SPOCK3: variants seen among roughly 807,000 people sequenced by gnomAD.
The protein encoded by SPOCK3 is SPARC (osteonectin), cwcv and kazal like domains proteoglycan 3, also known as testican-3.
Under a neutral mutation model 56.6 loss-of-function variants are expected in SPOCK3, and 30 were observed. That is an observed-to-expected ratio of 0.53 (90% CI 0.40 to 0.72). The LOEUF is 0.72. Among genes scored for constraint, SPOCK3 ranks in the 30% least tolerant of loss-of-function variants. SPOCK3 has a pLI of 0.00. For missense variants in SPOCK3, 527 were observed against 530.0 expected (o/e 0.99, Z 0.06); for synonymous variants, 196 against 183.3 (o/e 1.07, Z -0.56).
chr4:166,907,052 C>T (rs1736703329), intron 5 of SPOCK3, among the ~76,000 whole-genome samples: 1 of 152,018 alleles, frequency 6.6e-6, no homozygotes, highest in South Asian at 2.1e-4. Context: ...TATATATATA[C>T]ACACACATTA....
chr4:167,110,615 T>C (rs917326873), intron 2 of SPOCK3, among the ~76,000 whole-genome samples: 2 of 152,080 alleles, frequency 1.3e-5, no homozygotes, highest in Admixed American at 1.3e-4. Context: ...CACCTTCATT[T>C]GCGTTCTATT....
intron 9 of SPOCK3, 36 bp downstream of exon 9, chr4:166,741,961 G>A (rs1228403474): frequency 7.0e-7 from 1 of 1,432,610 alleles, no homozygotes; most frequent in Non-Finnish European, 9.8e-7. Flanking sequence ...ATTTATGTAA[G>A]CAATAAAGCC....
At chr4:167,194,461 G>A (rs762937854) in intron 2 of SPOCK3, among the ~76,000 whole-genome samples, 2 of 152,144 alleles carry the variant, frequency 1.3e-5, no homozygotes, top group African/African-American at 4.8e-5. Context: ...TAGTTTACTT[G>A]TGTGGTGTCA....
chr4:167,199,694 A>AAATAATAAT (rs200479070), intron 2 of SPOCK3, among the ~76,000 whole-genome samples: 29 of 141,632 alleles, frequency 2.0e-4, no homozygotes, highest in Admixed American at 3.6e-4. Flanking sequence ...TGTGTGAAAT[A>AAATAATAAT]AATAATAATA....
chr4:167,176,075 G>T (rs144608463), intron 2 of SPOCK3, among the ~76,000 whole-genome samples: 1 of 152,010 alleles, frequency 6.6e-6, no homozygotes, highest in East Asian at 1.9e-4. Context: ...TCTAGAGGTT[G>T]TCTGCATTCC....
At position 166,737,449 on chromosome 4, in the gene SPOCK3, A is replaced by C; in HGVS notation, c.1132+18T>G. 6.2e-7 allele frequency: 1 copy of C among 1,603,570 alleles called. No homozygotes were observed. Among genetic ancestry groups the C allele is most frequent in the Non-Finnish European group, 8.5e-7 (1 of 1,175,772 alleles). ...TCTGTGCTTAGAAAATTATGAAATA[A>C]GTAACCCTTCTCCTTACCACAATCT... On this transcript the variant is annotated intron_variant, in intron 10 of 10. Coordinates refer to ENST00000357545, the MANE Select transcript of SPOCK3 (RefSeq NM_001040159.2).
intron 4 of SPOCK3, among the ~76,000 whole-genome samples, chr4:166,918,015 C>T (rs17520763): frequency 0.58 from 88,091 of 151,910 alleles, 26,194 homozygotes; most frequent in East Asian, 0.73. Context: ...TACTATTTCA[C>T]GTCCCAAATC....
rs1001760111 is a variant in SPOCK3 at position 167,146,780 on chromosome 4, G to A, written c.190-84243C>T. On this transcript the variant is annotated intron_variant, in intron 2 of 10. Transcript: ENST00000357545. ...AAACCAATGAGAACAAAGACACAAC[G>A]TACCAGAATTTCTGGGACACATTTA... 4.6e-5 allele frequency among the ~76,000 whole-genome samples: 7 copies of A among 152,134 alleles called. 1 individual carries two copies. The highest frequency in any genetic ancestry group is 1.9e-4 in the East Asian group (1 of 5,166).
intron 4 of SPOCK3, among the ~76,000 whole-genome samples, chr4:166,983,737 T>C (rs1352506061): frequency 6.6e-6 from 1 of 152,076 alleles, no homozygotes; most frequent in East Asian, 1.9e-4. Context: ...ATTCAAATCA[T>C]AGAGCCCCTG....
chr4:166,866,250 C>T (rs554744924), intron 6 of SPOCK3, among the ~76,000 whole-genome samples: 1 of 152,250 alleles, frequency 6.6e-6, no homozygotes, highest in African/African-American at 2.4e-5. Flanking sequence ...GAAACTGGAC[C>T]TCTTCCTCAC....
chr4:167,195,300 A>G (rs1732835389), intron 2 of SPOCK3, among the ~76,000 whole-genome samples: 2 of 152,198 alleles, frequency 1.3e-5, no homozygotes, highest in African/African-American at 4.8e-5. Context: ...TTTTCAGACC[A>G]TGACTAAGAG....
chr4:166,926,774 CAA>C (rs1305892356), intron 4 of SPOCK3, among the ~76,000 whole-genome samples: 2 of 152,024 alleles, frequency 1.3e-5, no homozygotes, highest in African/African-American at 2.4e-5. Context: ...TCTATTTTAG[CAA>C]GTTAGTAACT....
At chr4:166,776,824 T>G (rs548997618) in intron 7 of SPOCK3, among the ~76,000 whole-genome samples, 27 of 152,176 alleles carry the variant, frequency 1.8e-4, no homozygotes, top group Non-Finnish European at 3.5e-4. Context: ...ATGCCATGAC[T>G]TATGGAATAC....
rs1734336329 is a variant in SPOCK3, at chr4:166,737,529, C to T, written c.1070G>A (p.Trp357Ter). Reference sequence around the variant, plus strand: ...TTCATTTCCATATCTGTCAACACACCAGCACTGTCCAACACTGCCATGACA... The same window carrying T: ...TTCATTTCCATATCTGTCAACACACTAGCACTGTCCAACACTGCCATGACA... ...TQCHGSVGQCWCVDRYGNEVM... is the reference protein window; with the variant it reads ...TQCHGSVGQC Residue 357 changes from tryptophan to a stop codon, truncating the protein, a stop_gained, in exon 10 of 11, where the codon TGG becomes TAG. Transcript: ENST00000357545. LOFTEE classifies it high-confidence loss of function. 1 of 1,613,074 alleles carries T rather than the reference C, an allele frequency of 6.2e-7. No homozygotes were observed. Among genetic ancestry groups the T allele is most frequent in the Admixed American group, 1.7e-5 (1 of 59,878 alleles).
chr4:167,188,177 A>G (rs1450093416), intron 2 of SPOCK3, among the ~76,000 whole-genome samples: 1 of 146,360 alleles, frequency 6.8e-6, no homozygotes, highest in Non-Finnish European at 1.5e-5. Context: ...GGCAGCAATC[A>G]AACCCGAACT....
chr4:166,951,453 A>C lies in SPOCK3; in HGVS notation c.351-38710T>G, dbSNP rs1213306868. ...AGGCAAGAATCAATAGCTTACCAACAAAAAAGAGTCCAGGATCAGATGGAT... is the reference window on the plus strand; with the variant it reads ...AGGCAAGAATCAATAGCTTACCAACCAAAAAGAGTCCAGGATCAGATGGAT... On this transcript the variant is annotated intron_variant, in intron 4 of 10. Coordinates refer to ENST00000357545, the MANE Select transcript of SPOCK3 (RefSeq NM_001040159.2). Among the ~76,000 whole-genome samples the C allele has an allele frequency of 4.9e-5, 7 of 142,392 alleles. No individual in the cohort carries two copies. The South Asian group carries it at 6.6e-4, about 13-fold the overall frequency. 93.4% of individuals were successfully genotyped at this position (142,392 alleles called of 152,430 possible). A position where few individuals can be genotyped will look rare whatever the true frequency, so the allele number is the denominator to read the frequency against.
intron 2 of SPOCK3, among the ~76,000 whole-genome samples, chr4:167,102,163 A>C (rs1238046790): frequency 1.3e-5 from 2 of 152,150 alleles, no homozygotes; most frequent in Non-Finnish European, 2.9e-5. Context: ...AGGAGATCAG[A>C]TTGAAACCTC....
At chr4:166,955,249 G>A (rs909982646) in intron 4 of SPOCK3, among the ~76,000 whole-genome samples, 1 of 151,232 alleles carries the variant, frequency 6.6e-6, no homozygotes, top group African/African-American at 2.4e-5. Context: ...AAAGAATATT[G>A]TATTGTCATA....
At chr4:167,153,141 T>C (rs1053870082) in intron 2 of SPOCK3, among the ~76,000 whole-genome samples, 2 of 152,154 alleles carry the variant, frequency 1.3e-5, no homozygotes, top group African/African-American at 4.8e-5. Context: ...TGAGATAACT[T>C]GCCTAAGGTT....
Sources: gnomAD v4.1 joint callset for allele counts (sites outside exome capture counted in the v4.1 genomes callset) on GRCh38, gnomAD v4.1.1 for gene constraint, MANE v1.5 for transcripts, NCBI Gene and HGNC (gene_info 2026-07-23, HGNC 2026-07-21) for gene names.